EVI2B: variants seen among roughly 807,000 people sequenced by gnomAD.
EVI2B encodes the protein ecotropic viral integration site 2B, also known as protein EVI2B.
EVI2B carries 4 observed loss-of-function variants against 6.6 expected under a neutral mutation model. The observed-to-expected ratio is 0.61, with a 90% CI of 0.30 to 1.39. The LOEUF (loss-of-function observed/expected upper bound fraction) is 1.39. EVI2B is among the 40% of genes most tolerant of loss of function. The probability of loss-of-function intolerance (pLI) is 0.08; values close to 1 mark genes in which losing one functional copy is unlikely to be tolerated. For missense variants in EVI2B, 484 were observed against 516.6 expected (o/e 0.94, Z 0.61); for synonymous variants, 181 against 186.8 (o/e 0.97, Z 0.25).
intron 1 of EVI2B, among the ~76,000 whole-genome samples, chr17:31,312,670 T>C (rs893276378): frequency 2.0e-5 from 3 of 152,062 alleles, no homozygotes; most frequent in African/African-American, 7.2e-5. Flanking sequence ...ATATTAGAAG[T>C]AGAAAAATAT....
intron 1 of EVI2B, chr17:31,307,881 A>T (rs1162923514): frequency 1.6e-6 from 2 of 1,288,478 alleles, no homozygotes; most frequent in Non-Finnish European, 2.0e-6. Flanking sequence ...AGGTTTTACA[A>T]ATTACCTTTT....
chr17:31,308,175 T>C (rs1348701877), intron 1 of EVI2B, among the ~76,000 whole-genome samples: 1 of 152,040 alleles, frequency 6.6e-6, no homozygotes, highest in Non-Finnish European at 1.5e-5. Flanking sequence ...AGTCGTTCTG[T>C]CACCCAGGCT....
Position 31,304,765 on chromosome 17 carries a change from A to G in EVI2B, c.845T>C (p.Leu282Pro), listed in dbSNP as rs774657450. ...CTTAATTTCTAAGTCATCTGCTAAA[A>G]GTGTGCTTTTGCTTGGTTTCCAGGG... Reference protein sequence around the residue: ...LTPWKPSKSTLLADDLEIKLF... With the variant: ...LTPWKPSKSTPLADDLEIKLF... Residue 282 changes from leucine (L) to proline (P), a missense_variant, in exon 2 of 2, where the codon CTT becomes CCT. Physicochemically the swap from Leu to Pro is moderately conservative, Grantham distance 98 (BLOSUM62 -3). Coordinates refer to ENST00000330927, the MANE Select transcript of EVI2B (RefSeq NM_006495.4). 2 of 1,614,028 alleles carry G rather than the reference A, an allele frequency of 1.2e-6. No individual in the cohort carries two copies. The highest frequency in any genetic ancestry group is 1.7e-6 in the Non-Finnish European group (2 of 1,180,020).
Position 31,304,560 on chromosome 17 carries a change from C to T in EVI2B, c.1050G>A (p.Gln350=). 1 of 1,614,170 alleles carries T rather than the reference C, an allele frequency of 6.2e-7. No individual in the cohort carries two copies. The highest frequency in any genetic ancestry group is 1.1e-5 in the South Asian group (1 of 91,088). ...PPPPLLDLEG[Q]ESNQSDKPTM... ...TGGGTTTGTCAGATTGGTTACTTTC[C>T]TGTCCTTCCAAATCCAGAAGGGGAG... The change falls in exon 2 of 2, where the codon CAG becomes CAA. Residue 350 remains glutamine, a synonymous_variant. Transcript: ENST00000330927.
At chr17:31,310,255 A>G (rs553214767) in intron 1 of EVI2B, among the ~76,000 whole-genome samples, 1 of 152,210 alleles carries the variant, frequency 6.6e-6, no homozygotes, top group Non-Finnish European at 1.5e-5. Context: ...ACAAAATAAC[A>G]CAAAAGAGAA....
At position 31,304,057 on chromosome 17, in the gene EVI2B, G is replaced by GTACTTTATA; in HGVS notation, c.*205_*206insTATAAAGTA. ...TAAAATGTACTATACTTTAAAGATA[G>GTACTTTATA]GTACTATAATTAGTAAATAGATTAC... On this transcript the variant is annotated 3_prime_UTR_variant, in exon 2 of 2. Coordinates refer to ENST00000330927, the MANE Select transcript of EVI2B (RefSeq NM_006495.4). 1 of 471,098 alleles carries GTACTTTATA rather than the reference G, an allele frequency of 2.1e-6. No homozygotes were observed. Among genetic ancestry groups the GTACTTTATA allele is most frequent in the South Asian group, 3.5e-5 (1 of 28,294 alleles). The allele number at this position is 471,098 out of a possible 1,614,324, so 29.2% of individuals were successfully genotyped here.
At chr17:31,310,144 T>C (rs2068830229) in intron 1 of EVI2B, among the ~76,000 whole-genome samples, 2 of 152,154 alleles carry the variant, frequency 1.3e-5, no homozygotes, top group South Asian at 4.1e-4. Flanking sequence ...GTAAGTGGTG[T>C]GTACCTGAAG....
Position 31,305,474 on chromosome 17 carries a change from C to T in EVI2B, c.136G>A (p.Ala46Thr), listed in dbSNP as rs368216496. 4.3e-5 allele frequency: 70 copies of T among 1,614,032 alleles called. No homozygotes were observed. The highest frequency in any genetic ancestry group is 5.4e-5 in the Non-Finnish European group (64 of 1,180,042). Residue 46 changes from alanine to threonine, a missense_variant, in exon 2 of 2, where the codon GCT becomes ACT. Transcript: ENST00000330927. ...LFTSSMSQVL[A>T]NSQNTTGNPL... ...TTCCCTGTTGTGTTTTGAGAATTAG[C>T]CAATACCTGTGACATTGATGATGTG...
At chr17:31,309,203 C>T (rs910323319) in intron 1 of EVI2B, among the ~76,000 whole-genome samples, 7 of 152,172 alleles carry the variant, frequency 4.6e-5, no homozygotes, top group African/African-American at 1.4e-4. Flanking sequence ...CCTTTATTGC[C>T]TCATGTTTTT....
chr17:31,307,636 AAT>A (rs1177204178), intron 1 of EVI2B, among the ~76,000 whole-genome samples: 5 of 152,170 alleles, frequency 3.3e-5, no homozygotes, highest in Non-Finnish European at 5.9e-5. Context: ...TCCTGTTCTC[AAT>A]TGCCTTTCCT....
intron 1 of EVI2B, among the ~76,000 whole-genome samples, chr17:31,313,384 T>G (rs2068932480): frequency 6.6e-6 from 1 of 152,172 alleles, no homozygotes; most frequent in South Asian, 2.1e-4. Flanking sequence ...CTATAGTTTC[T>G]TTTTAATTCT....
chr17:31,307,498 A>G (rs763118424), intron 1 of EVI2B, among the ~76,000 whole-genome samples: 2 of 152,218 alleles, frequency 1.3e-5, no homozygotes, highest in African/African-American at 2.4e-5. Context: ...AATAAGGCAC[A>G]TATGAAAGTT....
intron 1 of EVI2B, among the ~76,000 whole-genome samples, chr17:31,310,679 T>TA (rs1214062949): frequency 6.6e-6 from 1 of 152,022 alleles, no homozygotes; most frequent in East Asian, 1.9e-4. Flanking sequence ...ACCTAGCAAT[T>TA]ATTCCAAAGA....
At chr17:31,307,675 A>G (rs912050745) in intron 1 of EVI2B, among the ~76,000 whole-genome samples, 1 of 152,180 alleles carries the variant, frequency 6.6e-6, no homozygotes, top group African/African-American at 2.4e-5. Context: ...TACTGAGACA[A>G]TTTGCAACTT....
At chr17:31,313,889 C>CA (rs1320665307) in intron 1 of EVI2B, 90 bp downstream of exon 1, 6 of 394,156 alleles carry the variant, frequency 1.5e-5, no homozygotes, top group Non-Finnish European at 1.8e-5. Context: ...TTTAGACTAT[C>CA]AGAGTTTAAG....
rs1329625625 is a variant in EVI2B at position 31,304,020 on chromosome 17, C to A, written c.*243G>T. 3 of 334,938 alleles carry A rather than the reference C, an allele frequency of 9.0e-6. No homozygotes were observed. The highest frequency in any genetic ancestry group is 1.6e-5 in the Non-Finnish European group (3 of 184,680). The allele number at this position is 334,938 out of a possible 1,614,324, so 20.7% of individuals were successfully genotyped here. On this transcript the variant is annotated 3_prime_UTR_variant, in exon 2 of 2. Coordinates refer to ENST00000330927, the MANE Select transcript of EVI2B (RefSeq NM_006495.4). Reference sequence around the variant, plus strand: ...GAGTTCTTAAATTATTGAAACATACCATTTACATATGTAAAATGTACTATA... The same window carrying A: ...GAGTTCTTAAATTATTGAAACATACAATTTACATATGTAAAATGTACTATA...
At chr17:31,307,982 AT>A in intron 1 of EVI2B, 2 of 1,215,426 alleles carry the variant, frequency 1.6e-6, no homozygotes, top group Non-Finnish European at 2.2e-6. Context: ...AAGAAAAGAT[AT>A]GTGATTTTTT....
At chr17:31,306,400 A>G (rs2068722062) in intron 1 of EVI2B, among the ~76,000 whole-genome samples, 1 of 152,088 alleles carries the variant, frequency 6.6e-6, no homozygotes, top group Non-Finnish European at 1.5e-5. Context: ...TTATATATAT[A>G]GATAGATAGA....
In EVI2B at chr17:31,306,797, T is replaced by TA. The variant is rs200513481; in HGVS notation, c.-21-1168dup. 1.0e-3 allele frequency among the ~76,000 whole-genome samples: 142 copies of TA among 139,132 alleles called. No individual in the cohort carries two copies. The South Asian group carries it at 0.011, about 11-fold the overall frequency. The allele number at this position is 139,132 out of a possible 152,430, so 91.3% of individuals were successfully genotyped here. On this transcript the variant is annotated intron_variant, in intron 1 of 1. Coordinates refer to ENST00000330927, the MANE Select transcript of EVI2B (RefSeq NM_006495.4). ...GAGCTCTGTTCTAGGTTTAGGAGAT[T>TA]AAAAAAAAAAAAAAAAGATAGTCAC...
Sources: gnomAD v4.1 joint callset for allele counts (sites outside exome capture counted in the v4.1 genomes callset) on GRCh38, gnomAD v4.1.1 for gene constraint, MANE v1.5 for transcripts, NCBI Gene and HGNC (gene_info 2026-07-23, HGNC 2026-07-21) for gene names.